The following PDAP1 variants were observed in gnomAD, a reference collection of about 807,000 sequenced individuals.
The protein encoded by PDAP1 is PDGFA associated protein 1.
Under a neutral mutation model 28.0 loss-of-function variants are expected in PDAP1, and 13 were observed. The observed-to-expected ratio is 0.46, with a 90% CI of 0.30 to 0.74. The LOEUF (loss-of-function observed/expected upper bound fraction) is 0.74, where lower values mean the gene tolerates loss of function less well. Ranked by LOEUF, PDAP1 falls within the 30% of genes least tolerant of loss-of-function variation. PDAP1 has a pLI of 0.07. For synonymous variants in PDAP1, 77 were observed against 85.1 expected, an observed-to-expected ratio of 0.91 and a Z score of 0.52; for missense variants, 150 against 230.0, an observed-to-expected ratio of 0.65 and a Z score of 2.25.
At chr7:99,397,734 GA>G in intron 5 of PDAP1, 127 bp downstream of exon 5, 2 of 1,159,930 alleles carry the variant, frequency 1.7e-6, no homozygotes, top group Non-Finnish European at 2.4e-6. Context: ...TCTCCTGAAC[GA>G]CCTCCTAGGC....
intron 1 of PDAP1, 89 bp downstream of exon 1, chr7:99,408,447 C>T: frequency 2.4e-6 from 3 of 1,233,868 alleles, no homozygotes; most frequent in Non-Finnish European, 3.1e-6. Flanking sequence ...CTGCGCTGCT[C>T]TCAGAGACGC....
intron 3 of PDAP1, among the ~76,000 whole-genome samples, chr7:99,402,337 C>T (rs1435510632): frequency 6.6e-6 from 1 of 151,536 alleles, no homozygotes; most frequent in Non-Finnish European, 1.5e-5. Context: ...GGCATGGTGG[C>T]TCATGCTGCT....
intron 4 of PDAP1, 48 bp downstream of exon 4, chr7:99,400,255 C>A (rs772723855): frequency 6.2e-7 from 1 of 1,608,734 alleles, no homozygotes; most frequent in South Asian, 1.1e-5. Context: ...CACAGGCCAA[C>A]TGCTGGCCTG....
chr7:99,399,307 G>A (rs1240750205), intron 4 of PDAP1, among the ~76,000 whole-genome samples: 6 of 152,166 alleles, frequency 3.9e-5, no homozygotes, highest in Admixed American at 3.9e-4. Flanking sequence ...ACACTCAGAA[G>A]CCTCTAAGCT....
rs1434876684 is a variant in PDAP1, at chr7:99,403,506, CT to C, written c.106-2del. 1 of 1,601,516 alleles carries C rather than the reference CT, an allele frequency of 6.2e-7. No individual in the cohort carries two copies. Among genetic ancestry groups the C allele is most frequent in the Non-Finnish European group, 8.6e-7 (1 of 1,168,610 alleles). ...CACCTTCTTTTTGCTCCTCTTCTTC[CT>C]GTTTCAGAAATGGACAACCTGCAGA... On this transcript the variant is annotated splice_acceptor_variant, in intron 2 of 5. Coordinates refer to ENST00000350498, the MANE Select transcript of PDAP1 (RefSeq NM_014891.7). LOFTEE classifies it high-confidence loss of function.
At chr7:99,398,847 G>T (rs979445351) in intron 4 of PDAP1, among the ~76,000 whole-genome samples, 36 of 152,234 alleles carry the variant, frequency 2.4e-4, no homozygotes, top group African/African-American at 8.4e-4. Flanking sequence ...GATGTGCACG[G>T]TGCTGCCCCC....
In PDAP1 at chr7:99,404,878, T is replaced by G; in HGVS notation, c.89A>C (p.Glu30Ala). The change falls in exon 2 of 6, where the codon GAG becomes GCG. Residue 30 changes from glutamate (E) to alanine (A), a missense_variant. Transcript: ENST00000350498. The stretch of plus-strand genomic sequence containing the variant: ...CGTACTCACCCTGGCCTTCTGCTTC[T>G]CAGCCTGCAGCTGCGCGTCGATCTC... Reference protein sequence around the residue: ...PEEIDAQLQAEKQKAREEEEQ... With the variant: ...PEEIDAQLQAAKQKAREEEEQ... 5 of 1,612,758 alleles carry G rather than the reference T, an allele frequency of 3.1e-6. No individual in the cohort carries two copies. Among genetic ancestry groups the G allele is most frequent in the Non-Finnish European group, 4.2e-6 (5 of 1,179,886 alleles).
Position 99,408,577 on chromosome 7 carries a change from G to T in PDAP1, c.-29C>A. ...GGCTCCGGCGGCTGCGGCGGCGGCG[G>T]CGGCGCCTCGAACTGACACCGGAAC... On this transcript the variant is annotated 5_prime_UTR_variant, in exon 1 of 6. Transcript: ENST00000350498. 1 of 1,270,036 alleles carries T rather than the reference G, an allele frequency of 7.9e-7. No individual in the cohort carries two copies. Among genetic ancestry groups the T allele is most frequent in the Non-Finnish European group, 9.9e-7 (1 of 1,005,794 alleles). The allele number at this position is 1,270,036 out of a possible 1,614,324, so 78.7% of individuals were successfully genotyped here. A position where few individuals can be genotyped will look rare whatever the true frequency, so the allele number is the denominator to read the frequency against.
At chr7:99,405,978 A>G (rs1459591229) in intron 1 of PDAP1, among the ~76,000 whole-genome samples, 1 of 152,232 alleles carries the variant, frequency 6.6e-6, no homozygotes, top group East Asian at 1.9e-4. Context: ...ATATCCAGGC[A>G]CAGTGGCTGA....
chr7:99,401,179 G>C (rs1267173289), intron 3 of PDAP1, among the ~76,000 whole-genome samples: 3 of 152,120 alleles, frequency 2.0e-5, no homozygotes, highest in African/African-American at 7.2e-5. Flanking sequence ...ACATGTCCAA[G>C]ACAGAACTCG....
chr7:99,399,329 A>G (rs549580077), intron 4 of PDAP1, among the ~76,000 whole-genome samples: 3 of 152,314 alleles, frequency 2.0e-5, no homozygotes, highest in Admixed American at 2.0e-4. Flanking sequence ...AGCCTCAGGA[A>G]TGATGACTAA....
chr7:99,408,119 C>T (rs1795019613), intron 1 of PDAP1, among the ~76,000 whole-genome samples: 2 of 152,154 alleles, frequency 1.3e-5, no homozygotes, highest in Admixed American at 1.3e-4. Flanking sequence ...CTCCTTAAGT[C>T]CTCCTAGGCA....
intron 3 of PDAP1, among the ~76,000 whole-genome samples, chr7:99,401,351 A>G (rs1794862549): frequency 7.6e-6 from 1 of 130,736 alleles, no homozygotes; most frequent in South Asian, 2.3e-4. Flanking sequence ...CTTTTGAGAC[A>G]GAGTTTCCCT....
Position 99,404,892 on chromosome 7 carries a change from C to A in PDAP1, c.75G>T (p.Ala25=). The change falls in exon 2 of 6, where the codon GCG becomes GCT. Residue 25 remains alanine, a synonymous_variant. Coordinates refer to ENST00000350498, the MANE Select transcript of PDAP1 (RefSeq NM_014891.7). ...CCTTCTGCTTCTCAGCCTGCAGCTG[C>A]GCGTCGATCTCCTCAGGGCTTGTAT... ...RQYTSPEEID[A]QLQAEKQKAR... 6.2e-7 allele frequency: 1 copy of A among 1,613,266 alleles called. No homozygotes were observed. Among genetic ancestry groups the A allele is most frequent in the Non-Finnish European group, 8.5e-7 (1 of 1,179,942 alleles).
chr7:99,399,268 C>T (rs373432170), intron 4 of PDAP1, among the ~76,000 whole-genome samples: 1 of 152,266 alleles, frequency 6.6e-6, no homozygotes, highest in South Asian at 2.1e-4. Flanking sequence ...CCTGGCGAAC[C>T]GCAGATCCTA....
chr7:99,406,661 A>C (rs1794977303), intron 1 of PDAP1: 1 of 964,404 alleles, frequency 1.0e-6, no homozygotes, highest in Admixed American at 6.2e-5. Context: ...CCAAGTATGC[A>C]AGGGTGGCTG....
intron 4 of PDAP1, among the ~76,000 whole-genome samples, chr7:99,399,249 G>A (rs1033121268): frequency 2.6e-5 from 4 of 152,188 alleles, no homozygotes; most frequent in Non-Finnish European, 5.9e-5. Flanking sequence ...CAGAGCTGAG[G>A]AGATAATACC....
Position 99,404,850 on chromosome 7 carries a change from G to A in PDAP1, c.105+12C>T. 2 of 1,607,626 alleles carry A rather than the reference G, an allele frequency of 1.2e-6. No individual in the cohort carries two copies. The highest frequency in any genetic ancestry group is 1.3e-5 in the African/African-American group (1 of 74,908). On this transcript the variant is annotated intron_variant, in intron 2 of 5. Transcript: ENST00000350498. ...TGGGCCACTGGCGTGGCCTGGACAG[G>A]CACGTACTCACCCTGGCCTTCTGCT...
At chr7:99,404,749 CA>C in intron 2 of PDAP1, 112 bp downstream of exon 2, 2 of 738,910 alleles carry the variant, frequency 2.7e-6, no homozygotes, top group Non-Finnish European at 2.3e-6. Flanking sequence ...GCCCGACCCC[CA>C]CGTGCTGGCT....
Sources: allele counts gnomAD v4.1 joint callset (sites outside exome capture counted in the v4.1 genomes callset), GRCh38; gene constraint gnomAD v4.1.1; transcripts MANE v1.5; gene names NCBI Gene and HGNC (gene_info 2026-07-23, HGNC 2026-07-21).